MGAT4A: variants seen among roughly 807,000 people sequenced by gnomAD.
The protein encoded by MGAT4A is alpha-1,3-mannosyl-glycoprotein 4-beta-N-acetylglucosaminyltransferase A.
In MGAT4A, 33 loss-of-function variants were observed where a neutral mutation model predicts 74.1. That is an observed-to-expected ratio of 0.45 (90% CI 0.34 to 0.60). The LOEUF is 0.60. MGAT4A is among the 20% of genes least tolerant of loss of function. MGAT4A has a pLI of 0.02. For missense variants in MGAT4A, 479 were observed against 628.3 expected (o/e 0.76, Z 2.54); for synonymous variants, 198 against 210.4 (o/e 0.94, Z 0.51).
chr2:98,705,665 C>T (rs1176720912), intron 2 of MGAT4A, among the ~76,000 whole-genome samples: 1 of 152,122 alleles, frequency 6.6e-6, no homozygotes, highest in Non-Finnish European at 1.5e-5. Context: ...ACTAACAGGC[C>T]GGGCGCGGTG....
rs1205460540 is a variant in MGAT4A at position 98,641,499 on chromosome 2, CAAAAAAA to C, written c.1021-1278_1021-1272del. ...TGAAACCCCATCTCTACTAAAAATACAAAAAAAAAAAAAAAAAAAAAAATTAGCCGGG... is the reference window on the plus strand; with the variant it reads ...TGAAACCCCATCTCTACTAAAAATACAAAAAAAAAAAAAAAATTAGCCGGG... On this transcript the variant is annotated intron_variant, in intron 10 of 15. Transcript: ENST00000393487. Among the ~76,000 whole-genome samples, 308 of 75,288 alleles carry C rather than the reference CAAAAAAA, an allele frequency of 4.1e-3. 3 individuals carry two copies. Among genetic ancestry groups the C allele is most frequent in the South Asian group, 0.011 (23 of 2,006 alleles). 49.4% of individuals were successfully genotyped at this position (75,288 alleles called of 152,430 possible).
At chr2:98,655,113 CTT>C (rs1394608491) in intron 8 of MGAT4A, among the ~76,000 whole-genome samples, 3 of 152,096 alleles carry the variant, frequency 2.0e-5, no homozygotes, top group Admixed American at 2.0e-4. Flanking sequence ...GAAAATTCCT[CTT>C]TAAAATCTGC....
At chr2:98,667,097 G>GCTCT (rs1491268532) in intron 4 of MGAT4A, among the ~76,000 whole-genome samples, 2 of 121,450 alleles carry the variant, frequency 1.6e-5, no homozygotes, top group Admixed American at 9.1e-5. Flanking sequence ...GCACAAGCTT[G>GCTCT]CTCTCTGCCT....
At chr2:98,705,962 A>AG (rs1436006500) in intron 2 of MGAT4A, among the ~76,000 whole-genome samples, 1 of 150,826 alleles carries the variant, frequency 6.6e-6, no homozygotes, top group Non-Finnish European at 1.5e-5. Context: ...AAAAAAAAAA[A>AG]AAAAAAAAAG....
chr2:98,704,847 A>G (rs1428962099), intron 2 of MGAT4A, among the ~76,000 whole-genome samples: 1 of 152,110 alleles, frequency 6.6e-6, no homozygotes, highest in Non-Finnish European at 1.5e-5. Flanking sequence ...CCTCAAGATC[A>G]AATTTGTTAT....
At chr2:98,716,904 C>T (rs1473377450) in intron 2 of MGAT4A, among the ~76,000 whole-genome samples, 1 of 151,160 alleles carries the variant, frequency 6.6e-6, no homozygotes, top group Non-Finnish European at 1.5e-5. Context: ...GAATAATGAC[C>T]AAAAAAAACC....
Position 98,625,834 on chromosome 2 carries a change from T to C in MGAT4A, c.1470A>G (p.Gly490=). 6.2e-7 allele frequency: 1 copy of C among 1,603,868 alleles called. No individual in the cohort carries two copies. Among genetic ancestry groups the C allele is most frequent in the Non-Finnish European group, 8.5e-7 (1 of 1,171,800 alleles). Residue 490 remains glycine, a splice_region_variant and synonymous_variant, in exon 15 of 16, where the codon GGA becomes GGG. Transcript: ENST00000393487. ...CTTCTGCAACACCATTCTCAAATTT[T>C]CCTTCAAAATAAAAATCAATACTTG... ...KRLEDGYFRI[G]KFENGVAEGM... is the part of the protein sequence containing the mutation.
intron 5 of MGAT4A, among the ~76,000 whole-genome samples, chr2:98,658,872 A>G (rs1444067727): frequency 6.6e-6 from 1 of 152,250 alleles, no homozygotes; most frequent in African/African-American, 2.4e-5. Flanking sequence ...ATTATGAACA[A>G]GTCAAAATTC....
At chr2:98,727,687 C>A (rs141798137) in intron 1 of MGAT4A, among the ~76,000 whole-genome samples, 168 of 152,310 alleles carry the variant, frequency 1.1e-3, no homozygotes, top group African/African-American at 3.8e-3. Flanking sequence ...AAGAGCACAA[C>A]CGATTCAAGC....
At chr2:98,679,627 G>A (rs944918624) in intron 2 of MGAT4A, among the ~76,000 whole-genome samples, 2 of 152,104 alleles carry the variant, frequency 1.3e-5, no homozygotes, top group African/African-American at 4.8e-5. Flanking sequence ...GTGAAACCTT[G>A]TCTCAAAAAA....
intron 8 of MGAT4A, among the ~76,000 whole-genome samples, chr2:98,652,629 C>T (rs891398822): frequency 6.6e-6 from 1 of 151,654 alleles, no homozygotes; most frequent in Non-Finnish European, 1.5e-5. Flanking sequence ...CCGTGCCCAG[C>T]CAACAATTTT....
chr2:98,655,249 T>G (rs7557647), intron 8 of MGAT4A, among the ~76,000 whole-genome samples, 196 bp downstream of exon 8: 2 of 151,996 alleles, frequency 1.3e-5, no homozygotes, highest in Admixed American at 6.5e-5. Flanking sequence ...AGTGGAGGGC[T>G]GGCTTCCCTA....
At chr2:98,727,214 G>A (rs1026358898) in intron 1 of MGAT4A, among the ~76,000 whole-genome samples, 3 of 152,174 alleles carry the variant, frequency 2.0e-5, no homozygotes, top group African/African-American at 4.8e-5. Context: ...CTCCCAGGGT[G>A]TAAACTGGAA....
intron 2 of MGAT4A, among the ~76,000 whole-genome samples, chr2:98,710,289 G>A (rs1191389846): frequency 6.6e-6 from 1 of 152,168 alleles, no homozygotes; most frequent in Admixed American, 6.5e-5. Flanking sequence ...AAGAGGCAAA[G>A]AAAACAGCCT....
At chr2:98,728,529 C>T (rs1702796840) in intron 1 of MGAT4A, among the ~76,000 whole-genome samples, 1 of 152,096 alleles carries the variant, frequency 6.6e-6, no homozygotes, top group Non-Finnish European at 1.5e-5. Context: ...AGGCAGATTA[C>T]CCGAGGTCAG....
chr2:98,646,999 T>C (rs1264717053), intron 8 of MGAT4A, among the ~76,000 whole-genome samples: 2 of 152,224 alleles, frequency 1.3e-5, no homozygotes, highest in Non-Finnish European at 2.9e-5. Context: ...AAGCATTTAC[T>C]CCAGCCTTTC....
rs112462294 is a variant in MGAT4A at position 98,625,446 on chromosome 2, G to A, written c.*120C>T. ...CACTTTCCAAGTGGAAATGACAATC[G>A]TCTTATCTACAGTAGACTTCACAAG... On this transcript the variant is annotated 3_prime_UTR_variant, in exon 16 of 16. Transcript: ENST00000393487. 8.0e-6 allele frequency: 12 copies of A among 1,496,820 alleles called. No individual in the cohort carries two copies. Among genetic ancestry groups the A allele is most frequent in the African/African-American group, 5.7e-5 (4 of 69,974 alleles). The allele number at this position is 1,496,820 out of a possible 1,614,324, so 92.7% of individuals were successfully genotyped here. A position where few individuals can be genotyped will look rare whatever the true frequency, so the allele number is the denominator to read the frequency against.
chr2:98,708,556 A>G (rs569918954), intron 2 of MGAT4A, among the ~76,000 whole-genome samples: 1 of 152,314 alleles, frequency 6.6e-6, no homozygotes, highest in South Asian at 2.1e-4. Flanking sequence ...GTAACAAAAC[A>G]AAGATCCACT....
intron 2 of MGAT4A, among the ~76,000 whole-genome samples, chr2:98,695,981 A>G (rs749833081): frequency 6.6e-6 from 1 of 151,106 alleles, no homozygotes; most frequent in Non-Finnish European, 1.5e-5. Flanking sequence ...CAGGCTCAAG[A>G]GATTCTCCTC....
Sources: allele counts gnomAD v4.1 joint callset (sites outside exome capture counted in the v4.1 genomes callset), GRCh38; gene constraint gnomAD v4.1.1; transcripts MANE v1.5; gene names NCBI Gene and HGNC (gene_info 2026-07-23, HGNC 2026-07-21).